The following MAGI3 variants were observed in gnomAD, a reference collection of about 807,000 sequenced individuals.
The protein encoded by MAGI3 is membrane associated guanylate kinase, WW and PDZ domain containing 3, also known as membrane-associated guanylate kinase, WW and PDZ domain-containing protein 3.
Under a neutral mutation model 121.8 loss-of-function variants are expected in MAGI3, and 43 were observed. The observed-to-expected ratio is 0.35, with a 90% CI of 0.28 to 0.46. The LOEUF (loss-of-function observed/expected upper bound fraction) is 0.46, where lower values mean the gene tolerates loss of function less well. Among genes scored for constraint, MAGI3 ranks in the 20% least tolerant of loss-of-function variants. The probability of loss-of-function intolerance (pLI) is 1.00; values close to 1 mark genes in which losing one functional copy is unlikely to be tolerated. For synonymous variants in MAGI3, 553 were observed against 639.3 expected, an observed-to-expected ratio of 0.86 and a Z score of 2.04; for missense variants, 1,547 against 1,797.3, an observed-to-expected ratio of 0.86 and a Z score of 2.52.
Position 113,646,466 on chromosome 1 carries a change from A to T in MAGI3, c.1999-20A>T, listed in dbSNP as rs1482047862. On this transcript the variant is annotated intron_variant, in intron 11 of 20. Transcript: ENST00000307546. ...ATCTGCTTTTTAAAAAATACTAAGT[A>T]AGGCTCTTTTCCATTTCAGAAAACA... The T allele has an allele frequency of 6.4e-7, 1 of 1,573,256 alleles. No individual in the cohort carries two copies. Among genetic ancestry groups the T allele is most frequent in the South Asian group, 1.2e-5 (1 of 85,252 alleles).
intron 1 of MAGI3, among the ~76,000 whole-genome samples, chr1:113,410,053 A>G (rs1651895640): frequency 6.6e-6 from 1 of 152,124 alleles, no homozygotes; most frequent in Non-Finnish European, 1.5e-5. Flanking sequence ...ACATTTCTTC[A>G]GGCAGCTCCA....
At chr1:113,608,123 T>C (rs1454876801) in intron 6 of MAGI3, among the ~76,000 whole-genome samples, 1 of 152,134 alleles carries the variant, frequency 6.6e-6, no homozygotes, top group Non-Finnish European at 1.5e-5. Flanking sequence ...AGCAGTTATA[T>C]TGCATTGTAA....
intron 1 of MAGI3, among the ~76,000 whole-genome samples, chr1:113,513,412 C>T (rs1657719578): frequency 6.6e-6 from 1 of 152,168 alleles, no homozygotes; most frequent in Admixed American, 6.5e-5. Flanking sequence ...CAGCATGGTA[C>T]TGGTACCAAA....
chr1:113,550,496 A>G (rs1034082124), intron 2 of MAGI3, among the ~76,000 whole-genome samples: 8 of 151,526 alleles, frequency 5.3e-5, no homozygotes, highest in African/African-American at 9.7e-5. Context: ...ATTTAAGATT[A>G]TATAATCCCA....
At chr1:113,436,285 G>A (rs540490012) in intron 1 of MAGI3, among the ~76,000 whole-genome samples, 3 of 152,020 alleles carry the variant, frequency 2.0e-5, no homozygotes, top group Non-Finnish European at 4.4e-5. Context: ...GTGAAATAAT[G>A]TAATTGCCTT....
At chr1:113,432,459 G>A (rs988538933) in intron 1 of MAGI3, among the ~76,000 whole-genome samples, 3 of 152,002 alleles carry the variant, frequency 2.0e-5, no homozygotes, top group Non-Finnish European at 2.9e-5. Flanking sequence ...TTAAATGTGC[G>A]GAACGAAACT....
intron 2 of MAGI3, among the ~76,000 whole-genome samples, chr1:113,565,214 G>T (rs7553181): frequency 0.065 from 9,900 of 151,932 alleles, 364 homozygotes; most frequent in Non-Finnish European, 0.075. Context: ...TCTTTGTTTG[G>T]TGATAAATAT....
intron 1 of MAGI3, among the ~76,000 whole-genome samples, chr1:113,497,325 CCAGA>C (rs1251916427): frequency 4.0e-5 from 5 of 125,270 alleles, no homozygotes; most frequent in African/African-American, 1.4e-4. Context: ...CTAGGGAGTG[CCAGA>C]CAGTGGGCGC....
Position 113,645,022 on chromosome 1 carries a change from C to CTTTTTT in MAGI3, c.1998+1263_1998+1268dup, listed in dbSNP as rs10548467. Among the ~76,000 whole-genome samples, 2 of 104,350 alleles carry CTTTTTT rather than the reference C, an allele frequency of 1.9e-5. 1 individual carries two copies. Among genetic ancestry groups the CTTTTTT allele is most frequent in the Non-Finnish European group, 3.7e-5 (2 of 53,430 alleles). The allele number at this position is 104,350 out of a possible 152,430, so 68.5% of individuals were successfully genotyped here. On this transcript the variant is annotated intron_variant, in intron 11 of 20. Transcript: ENST00000307546. ...TAAAAAGAATCCCTCAGCTTCTGGC[C>CTTTTTT]TTTTTTTTTTTTTTTTTTTTGAGAC...
chr1:113,668,130 G>A (rs755225043), intron 16 of MAGI3, among the ~76,000 whole-genome samples: 5 of 152,072 alleles, frequency 3.3e-5, no homozygotes, highest in Admixed American at 6.6e-5. Flanking sequence ...AATTTTGGAA[G>A]AATTACCAAA....
intron 1 of MAGI3, among the ~76,000 whole-genome samples, chr1:113,469,821 A>C (rs1330488951): frequency 6.6e-6 from 1 of 152,202 alleles, no homozygotes; most frequent in East Asian, 1.9e-4. Flanking sequence ...TTTCCCACAG[A>C]AAGTTTTATT....
chr1:113,494,822 A>G (rs1033302464), intron 1 of MAGI3, among the ~76,000 whole-genome samples: 1 of 152,168 alleles, frequency 6.6e-6, no homozygotes, highest in African/African-American at 2.4e-5. Flanking sequence ...GTACTTTTAT[A>G]TACTATACTT....
chr1:113,477,273 T>G (rs1286590953), intron 1 of MAGI3, among the ~76,000 whole-genome samples: 2 of 152,204 alleles, frequency 1.3e-5, no homozygotes, highest in Non-Finnish European at 2.9e-5. Context: ...GTCATTATGA[T>G]GTTCGCTGGT....
At chr1:113,666,203 A>G (rs879617870) in intron 16 of MAGI3, among the ~76,000 whole-genome samples, 1 of 152,198 alleles carries the variant, frequency 6.6e-6, no homozygotes, top group Non-Finnish European at 1.5e-5. Flanking sequence ...AATTTCTTAA[A>G]ATAAGACAAT....
intron 1 of MAGI3, among the ~76,000 whole-genome samples, chr1:113,482,959 C>T (rs927783040): frequency 6.6e-6 from 1 of 152,048 alleles, no homozygotes; most frequent in Non-Finnish European, 1.5e-5. Context: ...GCATGCACTA[C>T]CATGCCCAAC....
chr1:113,406,280 A>G (rs1453348495), intron 1 of MAGI3, among the ~76,000 whole-genome samples: 1 of 126,428 alleles, frequency 7.9e-6, no homozygotes. Context: ...TGTCTACAGA[A>G]AAAAAAAAAA....
intron 6 of MAGI3, among the ~76,000 whole-genome samples, chr1:113,598,346 A>G (rs1009187046): frequency 2.0e-5 from 3 of 152,132 alleles, no homozygotes; most frequent in African/African-American, 7.2e-5. Flanking sequence ...TTAATGTTGA[A>G]TGTAAATGGT....
At position 113,422,843 on chromosome 1, in the gene MAGI3, G is replaced by A. The variant is rs1047899972; in HGVS notation, c.316+31494G>A. Among the ~76,000 whole-genome samples the A allele has an allele frequency of 6.6e-6, 1 of 152,222 alleles. No individual in the cohort carries two copies. The highest frequency in any genetic ancestry group is 2.4e-5 in the African/African-American group (1 of 41,456). ...TCTCACTACCCAGCTCTGGCTTGCA[G>A]CTCCTGGGCTGATCCGGCCCCACCG... On this transcript the variant is annotated intron_variant, in intron 1 of 20. Coordinates refer to ENST00000307546, the MANE Select transcript of MAGI3 (RefSeq NM_001142782.2). This position sits in a 1 kb window ranked among gnomAD's most constrained non-coding sequence, Gnocchi z 4.3.
Position 113,619,799 on chromosome 1 carries a change from A to C in MAGI3, c.1140A>C (p.Leu380Phe). The C allele has an allele frequency of 6.2e-7, 1 of 1,613,398 alleles. No individual in the cohort carries two copies. Among genetic ancestry groups the C allele is most frequent in the Non-Finnish European group, 8.5e-7 (1 of 1,179,530 alleles). Residue 380 changes from leucine (L) to phenylalanine (F), a missense_variant, in exon 8 of 21, where the codon TTA becomes TTC. Physicochemically the swap from Leu to Phe is conservative, Grantham distance 22 (BLOSUM62 0). Transcript: ENST00000307546. Reference protein sequence around the residue: ...PVEEAKRKKQLGQVEIGSSKP... With the variant: ...PVEEAKRKKQFGQVEIGSSKP... ...AGGAAGCCAAAAGGAAAAAGCAGTTAGGACAGGTTGAAATTGGGTCTTCAA... is the reference window on the plus strand; with the variant it reads ...AGGAAGCCAAAAGGAAAAAGCAGTTCGGACAGGTTGAAATTGGGTCTTCAA...
Sources: gnomAD v4.1 joint callset for allele counts (sites outside exome capture counted in the v4.1 genomes callset) on GRCh38, gnomAD v4.1.1 for gene constraint, Gnocchi (gnomAD v3.1) non-coding constraint, MANE v1.5 for transcripts, NCBI Gene and HGNC (gene_info 2026-07-23, HGNC 2026-07-21) for gene names.